PCDH11X: variants seen among roughly 807,000 people sequenced by gnomAD.
PCDH11X encodes protocadherin 11 X-linked.
Under a neutral mutation model 53.3 loss-of-function variants are expected in PCDH11X, and 18 were observed. The observed-to-expected ratio is 0.34, with a 90% CI of 0.23 to 0.50. The LOEUF (loss-of-function observed/expected upper bound fraction) is 0.50. Ranked by LOEUF, PCDH11X falls within the 20% of genes least tolerant of loss-of-function variation. The pLI is 0.98. For missense variants in PCDH11X, 570 were observed against 1,032.4 expected, an observed-to-expected ratio of 0.55 and a Z score of 6.14; for synonymous variants, 279 against 393.3, an observed-to-expected ratio of 0.71 and a Z score of 3.44.
intron 6 of PCDH11X, among the ~76,000 whole-genome samples, chrX:92,008,738 T>G (rs1421289551): frequency 1.8e-5 from 2 of 110,135 alleles, no homozygotes; most frequent in African/African-American, 3.3e-5. Context: ...CCTTGTATAT[T>G]TCCTGCTCTT....
chrX:92,215,924 T>C (rs2148344466), intron 7 of PCDH11X, among the ~76,000 whole-genome samples: 1 of 110,757 alleles, frequency 9.0e-6, no homozygotes, highest in African/African-American at 3.3e-5. Flanking sequence ...CAGCCACCGC[T>C]GCTGATACCC....
intron 8 of PCDH11X, among the ~76,000 whole-genome samples, chrX:92,334,043 G>A (rs1185466730): frequency 1.8e-5 from 2 of 111,122 alleles, no homozygotes; most frequent in Admixed American, 1.9e-4. Flanking sequence ...TTTTTTCAAT[G>A]AATACTGTAA....
rs370828538 is a variant in PCDH11X at position 92,556,524 on chromosome X, C to T, written c.3368-61740C>T. ...GTCAATAAATCTTAACACTCCAAAG[C>T]GATTTTCTTTAACTCCATGTCTCAC... On this transcript the variant is annotated intron_variant, in intron 10 of 10. Coordinates refer to ENST00000682573, the MANE Select transcript of PCDH11X (RefSeq NM_032968.5). 2.7e-5 allele frequency among the ~76,000 whole-genome samples: 3 copies of T among 111,657 alleles called. No individual in the cohort carries two copies. The East Asian group carries it at 8.6e-4, about 32-fold the overall frequency.
rs1374491421 is a variant in PCDH11X at position 92,492,503 on chromosome X, C to G, written c.3367+24181C>G. Among the ~76,000 whole-genome samples the G allele has an allele frequency of 6.2e-5, 7 of 112,013 alleles. No homozygotes were observed. In the South Asian group the frequency reaches 1.5e-3, roughly 23 times the overall value. On this transcript the variant is annotated intron_variant, in intron 10 of 10. Coordinates refer to ENST00000682573, the MANE Select transcript of PCDH11X (RefSeq NM_032968.5). Reference sequence around the variant, plus strand: ...TCACATAATCATTTTATTTTGTTCTCTCTCACAATTTTTCATAGTAAAACA... The same window carrying G: ...TCACATAATCATTTTATTTTGTTCTGTCTCACAATTTTTCATAGTAAAACA...
chrX:92,067,144 G>A (rs2063621516), intron 6 of PCDH11X, among the ~76,000 whole-genome samples: 1 of 110,933 alleles, frequency 9.0e-6, no homozygotes, highest in African/African-American at 3.3e-5. Context: ...AAATTTGGAT[G>A]TCCTTTATTT....
chrX:92,326,785 C>T (rs1405371282), intron 8 of PCDH11X, among the ~76,000 whole-genome samples: 4 of 99,288 alleles, frequency 4.0e-5, no homozygotes, highest in Non-Finnish European at 8.0e-5. Context: ...CTTTTAGGTA[C>T]TTTTGCCATA....
At chrX:92,541,298 C>G (rs770796986) in intron 10 of PCDH11X, among the ~76,000 whole-genome samples, 2 of 108,328 alleles carry the variant, frequency 1.8e-5, no homozygotes, top group African/African-American at 6.7e-5. Flanking sequence ...CTGGTTGATC[C>G]CAGCATGACT....
At chrX:92,276,675 G>A (rs2068100242) in intron 8 of PCDH11X, among the ~76,000 whole-genome samples, 1 of 111,841 alleles carries the variant, frequency 8.9e-6, no homozygotes, top group African/African-American at 3.2e-5. Context: ...ACACCTTGAA[G>A]GTGAGGTTAA....
At chrX:92,581,704 T>C (rs1923728710) in intron 10 of PCDH11X, among the ~76,000 whole-genome samples, 1 of 111,702 alleles carries the variant, frequency 9.0e-6, no homozygotes, top group Non-Finnish European at 1.9e-5. Flanking sequence ...GGACATGACT[T>C]TGGTATTAAG....
intron 8 of PCDH11X, among the ~76,000 whole-genome samples, chrX:92,289,423 A>G (rs1254068240): frequency 8.9e-6 from 1 of 112,031 alleles, no homozygotes; most frequent in Non-Finnish European, 1.9e-5. Context: ...CTGAAGCATC[A>G]TAAAATTAAA....
intron 8 of PCDH11X, among the ~76,000 whole-genome samples, chrX:92,309,960 T>G (rs754355125): frequency 8.9e-6 from 1 of 112,355 alleles, no homozygotes; most frequent in Non-Finnish European, 1.9e-5. Context: ...AATTGCATTA[T>G]TAATTTTTTA....
chrX:91,879,150 C>T lies in PCDH11X; in HGVS notation c.2910C>T (p.Asn970=). ...HHIIQELPLD[N]TFVACDSISK... ...TCATCCAAGAACTGCCTCTCGATAA[C>T]ACCTTTGTGGCCTGTGACTCTATCT... Residue 970 remains asparagine (N), a synonymous_variant, in exon 6 of 11, where the codon AAC becomes AAT. Coordinates refer to ENST00000682573, the MANE Select transcript of PCDH11X (RefSeq NM_032968.5). 11 of 1,211,468 alleles carry T rather than the reference C, an allele frequency of 9.1e-6. No homozygotes were observed. The highest frequency in any genetic ancestry group is 1.2e-5 in the Non-Finnish European group (11 of 895,434).
At chrX:91,943,361 A>G (rs1478557301) in intron 6 of PCDH11X, among the ~76,000 whole-genome samples, 1 of 110,561 alleles carries the variant, frequency 9.0e-6, no homozygotes. Context: ...TGTGGAGTAG[A>G]CAGTATACGA....
At chrX:92,360,763 G>T (rs1353353331) in intron 8 of PCDH11X, among the ~76,000 whole-genome samples, 3 of 109,666 alleles carry the variant, frequency 2.7e-5, no homozygotes, top group Non-Finnish European at 5.7e-5. Context: ...GGCACTGCAG[G>T]TCTTCATTAG....
chrX:92,196,672 G>T (rs1325628396), intron 6 of PCDH11X, among the ~76,000 whole-genome samples: 3 of 111,368 alleles, frequency 2.7e-5, no homozygotes, highest in Non-Finnish European at 5.7e-5. Flanking sequence ...ACAAATTTCA[G>T]GTGCTTCATA....
chrX:91,785,587 A>G (rs1196811111), intron 1 of PCDH11X, among the ~76,000 whole-genome samples: 1 of 112,155 alleles, frequency 8.9e-6, no homozygotes, highest in Non-Finnish European at 1.9e-5. Flanking sequence ...TACCTTTGGG[A>G]AAAATAAAAT....
chrX:92,143,291 T>C (rs1314176910), intron 6 of PCDH11X, among the ~76,000 whole-genome samples: 1 of 112,035 alleles, frequency 8.9e-6, no homozygotes, highest in Non-Finnish European at 1.9e-5. Context: ...ATGTCAGTCC[T>C]GAAGACCACG....
intron 7 of PCDH11X, among the ~76,000 whole-genome samples, chrX:92,235,294 C>T (rs1196542387): frequency 9.0e-6 from 1 of 110,917 alleles, no homozygotes; most frequent in Non-Finnish European, 1.9e-5. Flanking sequence ...GATTGGGTTG[C>T]ACTGAATTAT....
At chrX:92,534,976 C>T (rs2074629976) in intron 10 of PCDH11X, among the ~76,000 whole-genome samples, 1 of 111,320 alleles carries the variant, frequency 9.0e-6, no homozygotes, top group Non-Finnish European at 1.9e-5. Flanking sequence ...CAGTGAGATA[C>T]CATCTCACAC....
Sources: gnomAD v4.1 joint callset for allele counts (sites outside exome capture counted in the v4.1 genomes callset) on GRCh38, gnomAD v4.1.1 for gene constraint, MANE v1.5 for transcripts, NCBI Gene and HGNC (gene_info 2026-07-23, HGNC 2026-07-21) for gene names.